The following ATP10D variants were observed in gnomAD, a reference collection of about 807,000 sequenced individuals.
ATP10D encodes the protein phospholipid-transporting ATPase VD.
A neutral mutation model predicts 144.8 loss-of-function variants in ATP10D; 89 were observed. The ratio of observed to expected loss-of-function variants is 0.61; its 90% CI spans 0.52 to 0.73. ATP10D has a LOEUF of 0.73. Among genes scored for constraint, ATP10D ranks in the 30% least tolerant of loss-of-function variants. The pLI is 0.00. For missense variants in ATP10D, 1,603 were observed against 1,714.8 expected (o/e 0.93, Z 1.15); for synonymous variants, 571 against 615.1 (o/e 0.93, Z 1.06).
chr4:47,523,262 A>G (rs1232871436), intron 4 of ATP10D, 46 bp downstream of exon 4: 4 of 1,471,328 alleles, frequency 2.7e-6, no homozygotes, highest in South Asian at 2.3e-5. Context: ...ATTTTTTTTC[A>G]GAAGATGACT....
chr4:47,518,592 A>C (rs1000047450), intron 3 of ATP10D, among the ~76,000 whole-genome samples: 15 of 152,200 alleles, frequency 9.9e-5, no homozygotes, highest in African/African-American at 3.6e-4. Context: ...ACCTTTAAAA[A>C]TCACCATGTT....
chr4:47,570,487 T>C (rs1719894285), intron 16 of ATP10D, among the ~76,000 whole-genome samples: 1 of 152,160 alleles, frequency 6.6e-6, no homozygotes, highest in Admixed American at 6.5e-5. Flanking sequence ...TGGCTAGAGA[T>C]ATAAATTTGA....
intron 1 of ATP10D, among the ~76,000 whole-genome samples, chr4:47,510,574 TGTCTGG>T (rs1716271011): frequency 6.6e-6 from 1 of 152,190 alleles, no homozygotes. Flanking sequence ...ATGTAGTTCT[TGTCTGG>T]GTTGTGGAAT....
intron 6 of ATP10D, 71 bp from the exon 7 acceptor site, chr4:47,535,831 A>G (rs1209988357): frequency 6.6e-7 from 1 of 1,508,082 alleles, no homozygotes; most frequent in Non-Finnish European, 8.9e-7. Context: ...TGCAAGAGAG[A>G]TTTTTAAATA....
chr4:47,590,049 TAC>T (rs1335672130), intron 22 of ATP10D, among the ~76,000 whole-genome samples: 1 of 152,046 alleles, frequency 6.6e-6, no homozygotes, highest in African/African-American at 2.4e-5. Flanking sequence ...AATTTTCAAG[TAC>T]ACTGATGAGG....
chr4:47,494,655 A>C (rs1340321574), intron 1 of ATP10D, among the ~76,000 whole-genome samples: 1 of 151,900 alleles, frequency 6.6e-6, no homozygotes, highest in African/African-American at 2.4e-5. Context: ...AGAATTTTGA[A>C]ATAGGCTCTT....
At position 47,563,770 on chromosome 4, in the gene ATP10D, G is replaced by A. The variant is rs748791528; in HGVS notation, c.2853+5G>A. The A allele has an allele frequency of 1.7e-5, 27 of 1,576,338 alleles. No homozygotes were observed. Among genetic ancestry groups the A allele is most frequent in the African/African-American group, 2.7e-5 (2 of 73,220 alleles). On this transcript the variant is annotated splice_donor_5th_base_variant and intron_variant, in intron 15 of 22. Transcript: ENST00000273859. ...ATCCTCAATACCCAAAGTAAAGTGC[G>A]TATATTGAGATTAAATCTGTTCTTC... is the stretch of plus-strand genomic sequence containing the variant.
rs1030768372 is a variant in ATP10D at position 47,575,956 on chromosome 4, GAGTCTCGCTCTGTCGCCC to G, written c.3367-814_3367-797del. On this transcript the variant is annotated intron_variant, in intron 18 of 22. Coordinates refer to ENST00000273859, the MANE Select transcript of ATP10D (RefSeq NM_020453.4). ...TTTTTTTTTTTTTTTTTTTGAGACG[GAGTCTCGCTCTGTCGCCC>G]AGGCTGGAGTGCAGTGGCGCGATCT... Among the ~76,000 whole-genome samples, 3 of 123,952 alleles carry G rather than the reference GAGTCTCGCTCTGTCGCCC, an allele frequency of 2.4e-5. No homozygotes were observed. The East Asian group carries it at 7.7e-4, about 32-fold the overall frequency. The allele number at this position is 123,952 out of a possible 152,430, so 81.3% of individuals were successfully genotyped here.
chr4:47,519,421 C>T (rs1301316053), intron 3 of ATP10D, among the ~76,000 whole-genome samples: 2 of 152,200 alleles, frequency 1.3e-5, no homozygotes, highest in Admixed American at 1.3e-4. Flanking sequence ...CACACACAAG[C>T]ACAAACCACC....
chr4:47,546,919 A>G (rs1424288978), intron 10 of ATP10D, 57 bp downstream of exon 10: 1 of 1,501,690 alleles, frequency 6.7e-7, no homozygotes, highest in South Asian at 1.1e-5. Context: ...ATGAGAGAAC[A>G]GCCTTGTAAT....
intron 22 of ATP10D, among the ~76,000 whole-genome samples, chr4:47,588,714 A>C (rs1044990443): frequency 1.3e-5 from 2 of 152,212 alleles, no homozygotes; most frequent in African/African-American, 4.8e-5. Flanking sequence ...ATATAACAAT[A>C]TCACTGTGAA....
At position 47,512,636 on chromosome 4, in the gene ATP10D, G is replaced by A. The variant is rs539663059; in HGVS notation, c.96G>A (p.Ser32=). The A allele has an allele frequency of 1.2e-5, 19 of 1,614,110 alleles. No individual in the cohort carries two copies. The highest frequency in any genetic ancestry group is 4.5e-5 in the East Asian group (2 of 44,870). Residue 32 remains serine, a synonymous_variant, in exon 2 of 23, where the codon TCG becomes TCA. Coordinates refer to ENST00000273859, the MANE Select transcript of ATP10D (RefSeq NM_020453.4). ...ATTCAGGGCCATACAACTATTCCTC[G>A]TTGCTCGCCTGTGGGCGCAAGTCCT... The part of the protein sequence containing the change: ...DDDSGPYNYS[S]LLACGRKSSQ...
In ATP10D at chr4:47,536,728, A is replaced by C. The variant is rs1335464122; in HGVS notation, c.1186A>C (p.Lys396Gln). 6.2e-7 allele frequency: 1 copy of C among 1,612,358 alleles called. No homozygotes were observed. Among genetic ancestry groups the C allele is most frequent in the East Asian group, 2.2e-5 (1 of 44,874 alleles). The stretch of plus-strand genomic sequence containing the variant: ...TCTCTATGTTTCCATCGAAATTGTG[A>C]AGCTTGGACAAATATATTTCATTCA... ...ISLYVSIEIV[K>Q]LGQIYFIQSD... The change falls in exon 9 of 23, where the codon AAG becomes CAG. Residue 396 changes from lysine (K) to glutamine (Q), a missense_variant. Lys to Gln is a moderately conservative substitution (Grantham distance 53). Transcript: ENST00000273859.
At chr4:47,584,117 G>A (rs1027990917) in intron 21 of ATP10D, among the ~76,000 whole-genome samples, 2 of 152,178 alleles carry the variant, frequency 1.3e-5, no homozygotes, top group Admixed American at 1.3e-4. Flanking sequence ...CATCATTAGA[G>A]AATTGTTTCT....
intron 2 of ATP10D, among the ~76,000 whole-genome samples, chr4:47,513,863 A>G (rs1387791092): frequency 6.6e-6 from 1 of 152,220 alleles, no homozygotes; most frequent in Non-Finnish European, 1.5e-5. Flanking sequence ...ATGATGGCAG[A>G]GAAAACATTT....
At chr4:47,590,375 G>A (rs1431251632) in intron 22 of ATP10D, among the ~76,000 whole-genome samples, 2 of 152,118 alleles carry the variant, frequency 1.3e-5, no homozygotes, top group Non-Finnish European at 2.9e-5. Flanking sequence ...ACTGTTAGTA[G>A]TATGCTCTGG....
At chr4:47,497,811 A>G (rs1715468937) in intron 1 of ATP10D, among the ~76,000 whole-genome samples, 1 of 152,194 alleles carries the variant, frequency 6.6e-6, no homozygotes, top group East Asian at 1.9e-4. Flanking sequence ...AATCTTGGGT[A>G]AGTCATTCTT....
Position 47,591,504 on chromosome 4 carries a change from A to G in ATP10D, c.*123A>G, listed in dbSNP as rs2109486890. The G allele has an allele frequency of 1.3e-6, 1 of 761,968 alleles. No individual in the cohort carries two copies. Among genetic ancestry groups the G allele is most frequent in the Non-Finnish European group, 2.1e-6 (1 of 480,834 alleles). 47.2% of individuals were successfully genotyped at this position (761,968 alleles called of 1,614,324 possible). A position where few individuals can be genotyped will look rare whatever the true frequency, so the allele number is the denominator to read the frequency against. On this transcript the variant is annotated 3_prime_UTR_variant, in exon 23 of 23. Transcript: ENST00000273859. ...ACATGAGCATTTTACTAGGCTTGGAAGAGCTGACATGATGAGCATTATTGT... is the reference window on the plus strand; with the variant it reads ...ACATGAGCATTTTACTAGGCTTGGAGGAGCTGACATGATGAGCATTATTGT...
At chr4:47,556,285 A>G (rs1011929557) in intron 11 of ATP10D, among the ~76,000 whole-genome samples, 5 of 152,236 alleles carry the variant, frequency 3.3e-5, no homozygotes, top group African/African-American at 1.2e-4. Context: ...GAGGTGGTCA[A>G]CTTTAACATA....
Sources: allele counts gnomAD v4.1 joint callset (sites outside exome capture counted in the v4.1 genomes callset), GRCh38; gene constraint gnomAD v4.1.1; transcripts MANE v1.5; gene names NCBI Gene and HGNC (gene_info 2026-07-23, HGNC 2026-07-21).